The following IRAK1BP1 variants were observed in gnomAD, a reference collection of about 807,000 sequenced individuals.
IRAK1BP1 encodes interleukin 1 receptor associated kinase 1 binding protein 1.
Under a neutral mutation model 28.0 loss-of-function variants are expected in IRAK1BP1, and 24 were observed. The ratio of observed to expected loss-of-function variants is 0.86; its 90% CI spans 0.62 to 1.20. The LOEUF (loss-of-function observed/expected upper bound fraction) is 1.20. Ranked by LOEUF, IRAK1BP1 falls within the 50% of genes most tolerant of loss-of-function variation. The probability of loss-of-function intolerance (pLI) is 0.00; values close to 1 mark genes in which losing one functional copy is unlikely to be tolerated. For missense variants in IRAK1BP1, 336 were observed against 316.7 expected, an observed-to-expected ratio of 1.06 and a Z score of -0.46; for synonymous variants, 131 against 116.3, an observed-to-expected ratio of 1.13 and a Z score of -0.81.
chr6:78,947,821 G>A, downstream of IRAK1BP1: 2 of 1,375,262 alleles, frequency 1.5e-6, no homozygotes, highest in Non-Finnish European at 2.0e-6. Flanking sequence ...ACTACACAAA[G>A]CATCACTTCT....
chr6:78,912,050 T>C (rs1359680866), intron 4 of IRAK1BP1, among the ~76,000 whole-genome samples: 1 of 152,176 alleles, frequency 6.6e-6, no homozygotes. Context: ...TTGCCTTTTT[T>C]AGATATGCAA....
the IRAK1BP1 span, among the ~76,000 whole-genome samples, chr6:78,961,447 C>A: frequency 6.6e-6 from 1 of 152,000 alleles, no homozygotes; most frequent in South Asian, 2.1e-4. Flanking sequence ...TATCTAGGAT[C>A]TAGGAATTGT....
At chr6:78,913,982 A>G (rs1453264931) in intron 4 of IRAK1BP1, among the ~76,000 whole-genome samples, 1 of 152,222 alleles carries the variant, frequency 6.6e-6, no homozygotes, top group Non-Finnish European at 1.5e-5. Context: ...CATTATACTA[A>G]GCTAAAATGC....
In IRAK1BP1 at chr6:78,901,345, G is replaced by A. The variant is rs1207906582; in HGVS notation, c.*3011G>A. 2 of 152,034 alleles carry A rather than the reference G, an allele frequency of 1.3e-5. No homozygotes were observed. The highest frequency in any genetic ancestry group is 2.4e-5 in the African/African-American group (1 of 41,430). The allele number at this position is 152,034 out of a possible 1,614,324, so 9.4% of individuals were successfully genotyped here. On this transcript the variant is annotated 3_prime_UTR_variant, in exon 4 of 4. Transcript: ENST00000369940. ...ATTCAAAGATTGGAAAGACTTATGT[G>A]TAGTATTCTGTATACTAAAGGGTAT...
chr6:78,964,617 T>C, the IRAK1BP1 span, among the ~76,000 whole-genome samples: 1 of 152,076 alleles, frequency 6.6e-6, no homozygotes, highest in Non-Finnish European at 1.5e-5. Flanking sequence ...CTCAACCTTC[T>C]GAGTAGCTGG....
downstream of IRAK1BP1, among the ~76,000 whole-genome samples, chr6:78,903,563 C>A (rs950320618): frequency 6.6e-6 from 1 of 151,582 alleles, no homozygotes; most frequent in African/African-American, 2.4e-5. Flanking sequence ...GAACCAAAAA[C>A]TAAAAATAAT....
intron 4 of IRAK1BP1, among the ~76,000 whole-genome samples, chr6:78,912,291 G>A (rs756927663): frequency 6.6e-6 from 1 of 152,076 alleles, no homozygotes; most frequent in Non-Finnish European, 1.5e-5. Flanking sequence ...AGGTTCTGCT[G>A]ACAAAAGAAA....
the IRAK1BP1 span, among the ~76,000 whole-genome samples, chr6:78,974,893 C>A: frequency 8.6e-5 from 13 of 151,548 alleles, no homozygotes; most frequent in African/African-American, 3.2e-4. Flanking sequence ...AGCTTACCAA[C>A]CAAAAAGAGT....
intron 4 of IRAK1BP1, among the ~76,000 whole-genome samples, chr6:78,917,974 A>C (rs1226737838): frequency 6.6e-6 from 1 of 152,172 alleles, no homozygotes; most frequent in African/African-American, 2.4e-5. Context: ...AAACACACTT[A>C]AGTACATAGC....
the IRAK1BP1 span, among the ~76,000 whole-genome samples, chr6:78,973,327 TGAGA>T: frequency 6.6e-6 from 1 of 150,458 alleles, no homozygotes; most frequent in Admixed American, 6.6e-5. Flanking sequence ...AAGCAAATGC[TGAGA>T]GATTTTGTCA....
At chr6:78,947,789 A>T, downstream of IRAK1BP1, 1 of 1,589,026 alleles carries the variant, frequency 6.3e-7, no homozygotes, top group Non-Finnish European at 8.6e-7. Context: ...GGAGAGGGAA[A>T]ACAGGTGGTG....
the IRAK1BP1 span, among the ~76,000 whole-genome samples, chr6:78,973,228 T>C: frequency 6.6e-6 from 1 of 151,968 alleles, no homozygotes; most frequent in East Asian, 1.9e-4. Flanking sequence ...ATATTCAACA[T>C]TCTTAAAGAA....
chr6:78,945,749 G>T lies in IRAK1BP1; in HGVS notation c.*409G>T. On this transcript the variant is annotated 3_prime_UTR_variant and NMD_transcript_variant, in exon 5 of 5. Coordinates refer to the IRAK1BP1 transcript ENST00000606868. ...AAGTCTTGGCAAATTGCTAGCTAGT[G>T]TGGGTACTGTGATTTAAATTCAGGT... The T allele has an allele frequency of 5.0e-6, 3 of 599,458 alleles. No individual in the cohort carries two copies. The Admixed American group carries it at 7.8e-5, about 16-fold the overall frequency. The allele number at this position is 599,458 out of a possible 1,614,324, so 37.1% of individuals were successfully genotyped here.
chr6:78,882,539 C>A (rs374624903), intron 1 of IRAK1BP1, among the ~76,000 whole-genome samples: 2 of 152,252 alleles, frequency 1.3e-5, no homozygotes, highest in East Asian at 3.9e-4. Flanking sequence ...AGGCATTTCA[C>A]CTCTATGGTA....
At chr6:78,966,760 G>A in the IRAK1BP1 span, among the ~76,000 whole-genome samples, 4 of 152,086 alleles carry the variant, frequency 2.6e-5, no homozygotes, top group Non-Finnish European at 4.4e-5. Context: ...TTCCTTCTGT[G>A]TCATAAGAAA....
intron 4 of IRAK1BP1, among the ~76,000 whole-genome samples, chr6:78,943,374 G>A (rs916279476): frequency 3.9e-5 from 6 of 152,048 alleles, no homozygotes; most frequent in African/African-American, 1.2e-4. Context: ...CCAGACCTCC[G>A]CTATCATAAT....
chr6:78,964,002 C>A, the IRAK1BP1 span, among the ~76,000 whole-genome samples: 1 of 152,126 alleles, frequency 6.6e-6, no homozygotes, highest in South Asian at 2.1e-4. Context: ...GGAAACAAAA[C>A]AGTGAATCAG....
the IRAK1BP1 span, among the ~76,000 whole-genome samples, chr6:78,977,399 T>C: frequency 6.6e-6 from 1 of 152,050 alleles, no homozygotes. Flanking sequence ...GGGGGAGGGA[T>C]AGCATTGGGA....
chr6:78,880,263 A>G (rs1771179743), intron 1 of IRAK1BP1, among the ~76,000 whole-genome samples: 1 of 152,242 alleles, frequency 6.6e-6, no homozygotes, highest in African/African-American at 2.4e-5. Flanking sequence ...TTTGCATTAT[A>G]TACTTAATGA....
Sources: gnomAD v4.1 joint callset for allele counts (sites outside exome capture counted in the v4.1 genomes callset) on GRCh38, gnomAD v4.1.1 for gene constraint, MANE v1.5 for transcripts, NCBI Gene and HGNC (gene_info 2026-07-23, HGNC 2026-07-21) for gene names.